TEX9: variants seen among roughly 807,000 people sequenced by gnomAD.
TEX9 encodes testis-expressed protein 9.
A neutral mutation model predicts 59.6 loss-of-function variants in TEX9; 74 were observed. The observed-to-expected ratio is 1.24, with a 90% confidence interval of 1.03 to 1.51. TEX9 has a LOEUF of 1.51. Among genes scored for constraint, TEX9 ranks in the 40% most tolerant of loss-of-function variants. TEX9 has a pLI of 0.00. For synonymous variants in TEX9, 186 were observed against 152.2 expected, an observed-to-expected ratio of 1.22 and a Z score of -1.64; for missense variants, 522 against 447.8, an observed-to-expected ratio of 1.17 and a Z score of -1.49.
chr15:56,422,642 T>A (rs887046803), intron 10 of TEX9, among the ~76,000 whole-genome samples: 6 of 151,928 alleles, frequency 3.9e-5, no homozygotes, highest in African/African-American at 7.3e-5. Flanking sequence ...ATTGTTAATT[T>A]AAAAATTTTT....
At chr15:56,319,274 A>G (rs191253117) in intron 1 of TEX9, among the ~76,000 whole-genome samples, 52 of 151,786 alleles carry the variant, frequency 3.4e-4, no homozygotes, top group African/African-American at 1.2e-3. Context: ...CATTACTAAG[A>G]CTGTATTACT....
intron 1 of TEX9, among the ~76,000 whole-genome samples, chr15:56,247,126 T>C (rs2043877608): frequency 6.6e-6 from 1 of 152,216 alleles, no homozygotes; most frequent in Non-Finnish European, 1.5e-5. Context: ...TCCATTATAT[T>C]GTCTTGCTCT....
At chr15:56,394,771 T>A in exon 9 of TEX9, 1 of 1,613,148 alleles carries the variant, frequency 6.2e-7, no homozygotes, top group Non-Finnish European at 8.5e-7. Flanking sequence ...AATACAAAAC[T>A]CTTTTCGAAG....
chr15:56,274,636 C>T (rs1301257698), intron 1 of TEX9: 1 of 152,066 alleles, frequency 6.6e-6, no homozygotes, highest in Non-Finnish European at 1.5e-5. Context: ...AAAGTGAGCA[C>T]TTTCCTAATG....
At chr15:56,275,511 T>C (rs2044647163) in intron 1 of TEX9, among the ~76,000 whole-genome samples, 1 of 152,220 alleles carries the variant, frequency 6.6e-6, no homozygotes, top group African/African-American at 2.4e-5. Context: ...TTTATACTCT[T>C]ATTTTAGCTC....
chr15:56,315,176 A>T (rs2045723863), intron 1 of TEX9, among the ~76,000 whole-genome samples: 1 of 144,490 alleles, frequency 6.9e-6, no homozygotes, highest in Non-Finnish European at 1.5e-5. Context: ...GTTATGTGTG[A>T]ATTTGATCCT....
intron 1 of TEX9, among the ~76,000 whole-genome samples, chr15:56,256,345 G>C (rs1202183278): frequency 1.3e-5 from 2 of 152,028 alleles, no homozygotes; most frequent in African/African-American, 4.8e-5. Context: ...TTCAGAGCTA[G>C]TGTATTTAAC....
intron 1 of TEX9, among the ~76,000 whole-genome samples, chr15:56,317,833 T>G (rs889824593): frequency 1.3e-5 from 2 of 152,198 alleles, no homozygotes; most frequent in Admixed American, 1.3e-4. Flanking sequence ...TTTCCTTCTC[T>G]TATTGATTTT....
chr15:56,426,784 G>T (rs1008772997), intron 10 of TEX9, among the ~76,000 whole-genome samples: 1 of 150,790 alleles, frequency 6.6e-6, no homozygotes, highest in Non-Finnish European at 1.5e-5. Flanking sequence ...AATCTTTCAA[G>T]TATAGATCTT....
At chr15:56,391,962 A>C (rs183669027) in intron 7 of TEX9, among the ~76,000 whole-genome samples, 1 of 152,124 alleles carries the variant, frequency 6.6e-6, no homozygotes, top group African/African-American at 2.4e-5. Context: ...TAGAATAATA[A>C]TACTAAATTT....
chr15:56,454,858 C>A, the TEX9 span, among the ~76,000 whole-genome samples: 1 of 152,130 alleles, frequency 6.6e-6, no homozygotes, highest in South Asian at 2.1e-4. Context: ...AACCTTTTCA[C>A]AGATTATCCC....
At chr15:56,411,127 T>C (rs1355325800) in intron 9 of TEX9, among the ~76,000 whole-genome samples, 3 of 152,346 alleles carry the variant, frequency 2.0e-5, no homozygotes, top group South Asian at 4.1e-4. Flanking sequence ...ATAATATTTA[T>C]TGAGTATCTT....
Position 56,394,647 on chromosome 15 carries a change from CTT to C in TEX9, c.655-12_655-11del. On this transcript the variant is annotated splice_polypyrimidine_tract_variant and intron_variant, in intron 8 of 12. Transcript: ENST00000352903. ...ACATATTTTTTCACATAATCTATAA[CTT>C]TATAACTATAGGAGGATGAAATTCA... The C allele has an allele frequency of 3.9e-6, 6 of 1,519,126 alleles. No individual in the cohort carries two copies. The highest frequency in any genetic ancestry group is 2.3e-5 in the East Asian group (1 of 43,980). The allele number at this position is 1,519,126 out of a possible 1,614,324, so 94.1% of individuals were successfully genotyped here.
At chr15:56,423,371 T>C (rs2140246251) in intron 10 of TEX9, among the ~76,000 whole-genome samples, 1 of 152,302 alleles carries the variant, frequency 6.6e-6, no homozygotes, top group East Asian at 1.9e-4. Context: ...TCCCCACATA[T>C]TTGTGGATTT....
At chr15:56,271,914 G>A (rs1185100302) in intron 1 of TEX9, among the ~76,000 whole-genome samples, 1 of 152,162 alleles carries the variant, frequency 6.6e-6, no homozygotes, top group African/African-American at 2.4e-5. Flanking sequence ...GCTGAGGCGG[G>A]CAGATCACGA....
chr15:56,441,010 A>G (rs1462901947), intron 12 of TEX9, among the ~76,000 whole-genome samples: 2 of 152,140 alleles, frequency 1.3e-5, no homozygotes, highest in East Asian at 3.8e-4. Context: ...TTTTTCTAAT[A>G]TATGCATTTA....
At chr15:56,252,379 C>CTTT (rs3050136) in intron 1 of TEX9, among the ~76,000 whole-genome samples, 13,872 of 119,184 alleles carry the variant, frequency 0.12, 1,252 homozygotes, top group Non-Finnish European at 0.16. Flanking sequence ...TTAGAAAAAC[C>CTTT]TTTTTTTTTT....
At chr15:56,389,912 A>T (rs1203127581) in intron 6 of TEX9, among the ~76,000 whole-genome samples, 1 of 151,982 alleles carries the variant, frequency 6.6e-6, no homozygotes, top group South Asian at 2.1e-4. Context: ...AAAGGGACCC[A>T]AGATGCTCCC....
At chr15:56,296,985 G>A (rs1407996085) in intron 1 of TEX9, among the ~76,000 whole-genome samples, 1 of 152,094 alleles carries the variant, frequency 6.6e-6, no homozygotes, top group African/African-American at 2.4e-5. Context: ...GTTGAAATAA[G>A]AATTTTTGAT....
Sources: gnomAD v4.1 joint callset for allele counts (sites outside exome capture counted in the v4.1 genomes callset) on GRCh38, gnomAD v4.1.1 for gene constraint, MANE v1.5 for transcripts, NCBI Gene and HGNC (gene_info 2026-07-23, HGNC 2026-07-21) for gene names.